BIN1: variants seen among roughly 807,000 people sequenced by gnomAD.
BIN1 encodes bridging integrator 1, also known as myc box-dependent-interacting protein 1.
BIN1 carries 53 observed loss-of-function variants against 82.0 expected under a neutral mutation model. The ratio of observed to expected loss-of-function variants is 0.65; its 90% CI spans 0.52 to 0.81. BIN1 has a LOEUF of 0.81. Ranked by LOEUF, BIN1 falls within the 40% of genes least tolerant of loss-of-function variation. The probability of loss-of-function intolerance (pLI) is 0.00; values close to 1 mark genes in which losing one functional copy is unlikely to be tolerated. For missense variants in BIN1, 642 were observed against 784.4 expected, an observed-to-expected ratio of 0.82 and a Z score of 2.17; for synonymous variants, 302 against 328.0, an observed-to-expected ratio of 0.92 and a Z score of 0.86.
intron 1 of BIN1, among the ~76,000 whole-genome samples, chr2:127,105,335 GCTCCAGGCACACA>G (rs1680901130): frequency 6.6e-6 from 1 of 152,104 alleles, no homozygotes; most frequent in African/African-American, 2.4e-5. Flanking sequence ...AGGGCTGCCT[GCTCCAGGCACACA>G]GATGGATTAC....
chr2:127,070,428 A>T, intron 4 of BIN1, 125 bp downstream of exon 4: 1 of 1,188,048 alleles, frequency 8.4e-7, no homozygotes, highest in South Asian at 1.3e-5. Flanking sequence ...AGCTTGCCCC[A>T]GGGCACACAG....
chr2:127,050,651 G>A, intron 17 of BIN1, 129 bp from the exon 18 acceptor site: 1 of 1,316,616 alleles, frequency 7.6e-7, no homozygotes, highest in Middle Eastern at 1.8e-4. Flanking sequence ...CAGCAGGACA[G>A]TATGGGGCTC....
chr2:127,056,687 G>A (rs541847433), intron 12 of BIN1, among the ~76,000 whole-genome samples: 27 of 152,230 alleles, frequency 1.8e-4, no homozygotes, highest in African/African-American at 4.1e-4. Flanking sequence ...TGGACTTGAG[G>A]AGGCAGTCAG....
intron 2 of BIN1, among the ~76,000 whole-genome samples, chr2:127,073,234 A>G (rs1686140824): frequency 1.3e-5 from 2 of 152,216 alleles, no homozygotes; most frequent in Admixed American, 1.3e-4. Context: ...GGGTAGACAC[A>G]GCCCTCCCCC....
At position 127,048,582 on chromosome 2, in the gene BIN1, C is replaced by T. The variant is rs762739; in HGVS notation, c.1726G>A (p.Glu576Lys). Residue 576 changes from glutamate to lysine, a missense_variant, in exon 19 of 19, where the codon GAG (glutamate) becomes AAG (lysine). By Grantham distance (56) the Glu-to-Lys change is moderately conservative. Coordinates refer to ENST00000316724, the MANE Select transcript of BIN1 (RefSeq NM_139343.3). ...VKESDWNQHK[E>K]LEKCRGVFPE... The stretch of plus-strand genomic sequence containing the variant: ...AAGACGCCACGGCACTTCTCCAGCT[C>T]CTTGTGCTGGTTCCAGTCGCTCTCC... The T allele has an allele frequency of 6.2e-7, 1 of 1,613,826 alleles. No homozygotes were observed. The highest frequency in any genetic ancestry group is 8.5e-7 in the Non-Finnish European group (1 of 1,180,034).
chr2:127,053,742 T>C (rs1683270069), intron 13 of BIN1, 163 bp downstream of exon 13: 1 of 747,146 alleles, frequency 1.3e-6, no homozygotes, highest in South Asian at 1.7e-5. Flanking sequence ...AGGGGCTGCT[T>C]CCTGCCCTAC....
chr2:127,068,909 G>A lies in BIN1; in HGVS notation c.519+15C>T, dbSNP rs376783051. The A allele has an allele frequency of 4.5e-5, 72 of 1,610,052 alleles. No homozygotes were observed. The African/African-American group carries it at 7.3e-4, about 16-fold the overall frequency. ...CCCCCTGCAGACGCTGCCCCGACCC[G>A]CCTCCAGCCCTTACCTTGGCAATTT... On this transcript the variant is annotated intron_variant, in intron 6 of 18. Coordinates refer to ENST00000316724, the MANE Select transcript of BIN1 (RefSeq NM_139343.3). This position sits in a 1 kb window ranked among gnomAD's most constrained non-coding sequence, Gnocchi z 4.9.
intron 9 of BIN1, among the ~76,000 whole-genome samples, chr2:127,062,698 T>G (rs1684660884): frequency 6.6e-6 from 1 of 152,248 alleles, no homozygotes; most frequent in Non-Finnish European, 1.5e-5. Context: ...GAGCCGAATC[T>G]TCATCCTATT....
intron 1 of BIN1, among the ~76,000 whole-genome samples, chr2:127,099,403 T>C (rs1680006750): frequency 6.6e-6 from 1 of 152,070 alleles, no homozygotes; most frequent in African/African-American, 2.4e-5. Context: ...AGCATGGTTC[T>C]TTCCCCCCCA....
chr2:127,091,715 C>A (rs1267794580), intron 1 of BIN1, among the ~76,000 whole-genome samples: 3 of 143,588 alleles, frequency 2.1e-5, no homozygotes, highest in Non-Finnish European at 4.5e-5. Flanking sequence ...GTAAGGAGAC[C>A]CCATTTCTAC....
At chr2:127,063,836 C>T in intron 8 of BIN1, 97 bp downstream of exon 8, 1 of 1,531,118 alleles carries the variant, frequency 6.5e-7, no homozygotes, top group Non-Finnish European at 9.0e-7. Flanking sequence ...CTGGACACCG[C>T]AGCACGCAGG....
Position 127,070,097 on chromosome 2 carries a change from C to T in BIN1, c.316-7G>A, listed in dbSNP as rs1685681099. Reference sequence around the variant, plus strand: ...TCCACAGCAGGTCGTTGTTCTGAGACAGGCAAGAGCACGACAGTGCCACCA... The same window carrying T: ...TCCACAGCAGGTCGTTGTTCTGAGATAGGCAAGAGCACGACAGTGCCACCA... On this transcript the variant is annotated splice_polypyrimidine_tract_variant and splice_region_variant and intron_variant, in intron 4 of 18. Coordinates refer to ENST00000316724, the MANE Select transcript of BIN1 (RefSeq NM_139343.3). The T allele has an allele frequency of 6.2e-7, 1 of 1,613,296 alleles. No homozygotes were observed. Among genetic ancestry groups the T allele is most frequent in the Admixed American group, 1.7e-5 (1 of 59,990 alleles).
chr2:127,076,834 G>A, intron 1 of BIN1, 128 bp from the exon 2 acceptor site: 1 of 1,061,440 alleles, frequency 9.4e-7, no homozygotes, highest in Non-Finnish European at 1.4e-6. Flanking sequence ...CCCAGCCCAG[G>A]GTGCCCACCC....
In BIN1 at chr2:127,053,632, C is replaced by T. The variant is rs542788152; in HGVS notation, c.1240-187G>A. 1.5e-4 allele frequency: 123 copies of T among 810,744 alleles called. 2 individuals carry two copies. The South Asian group carries it at 1.7e-3, about 11-fold the overall frequency. 50.2% of individuals were successfully genotyped at this position (810,744 alleles called of 1,614,324 possible). A position where few individuals can be genotyped will look rare whatever the true frequency, so the allele number is the denominator to read the frequency against. ...CGAGCTCCCGACACCTCTCAGGGAG[C>T]TTCAAGACCCCAAGCCAGGATGCTT... On this transcript the variant is annotated intron_variant, in intron 13 of 18. Coordinates refer to ENST00000316724, the MANE Select transcript of BIN1 (RefSeq NM_139343.3).
chr2:127,077,558 A>T (rs1050815450), intron 1 of BIN1, among the ~76,000 whole-genome samples: 12 of 152,188 alleles, frequency 7.9e-5, no homozygotes, highest in African/African-American at 2.9e-4. Flanking sequence ...ACGCTCTCCC[A>T]GACTTCCCTC....
At chr2:127,054,172 C>G in intron 12 of BIN1, 160 bp from the exon 13 acceptor site, 2 of 676,302 alleles carry the variant, frequency 3.0e-6, no homozygotes, top group East Asian at 5.5e-5. Context: ...CACGCTGGCA[C>G]ACAGCCCAGG....
chr2:127,071,958 C>T (rs1366769857), intron 2 of BIN1, among the ~76,000 whole-genome samples: 1 of 152,188 alleles, frequency 6.6e-6, no homozygotes, highest in Non-Finnish European at 1.5e-5. Flanking sequence ...AGAGGGGACT[C>T]GGGAGAGCGG....
chr2:127,068,837 G>T lies in BIN1; in HGVS notation c.519+87C>A. 7.6e-7 allele frequency: 1 copy of T among 1,315,640 alleles called. No homozygotes were observed. 81.5% of individuals were successfully genotyped at this position (1,315,640 alleles called of 1,614,324 possible). A position where few individuals can be genotyped will look rare whatever the true frequency, so the allele number is the denominator to read the frequency against. On this transcript the variant is annotated intron_variant, in intron 6 of 18. Transcript: ENST00000316724. The surrounding 1 kb of genome is among the most constrained non-coding windows in gnomAD (Gnocchi z 4.9). ...CAGTTCAGCCACCTGGGGCCAGGCA[G>T]GAGGAAGCCTCCACCCTCGGGGTCC...
At chr2:127,062,346 C>T in intron 9 of BIN1, 149 bp from the exon 10 acceptor site, 4 of 797,444 alleles carry the variant, frequency 5.0e-6, no homozygotes, top group Non-Finnish European at 8.0e-6. Context: ...GGAACTAGCA[C>T]ACCAAACCCC....
Sources: gnomAD v4.1 joint callset for allele counts (sites outside exome capture counted in the v4.1 genomes callset) on GRCh38, gnomAD v4.1.1 for gene constraint, Gnocchi (gnomAD v3.1) non-coding constraint, MANE v1.5 for transcripts, NCBI Gene and HGNC (gene_info 2026-07-23, HGNC 2026-07-21) for gene names.